Variants in OR3A2 observed in about 807,000 individuals in gnomAD.
OR3A2 encodes olfactory receptor family 3 subfamily A member 2.
For missense variants in OR3A2, 318 were observed against 392.8 expected, an observed-to-expected ratio of 0.81 and a Z score of 1.61; for synonymous variants, 126 against 159.3, an observed-to-expected ratio of 0.79 and a Z score of 1.57.
intron 3 of OR3A2, among the ~76,000 whole-genome samples, chr17:3,333,548 G>A (rs58460998): frequency 0.086 from 13,049 of 152,054 alleles, 1,068 homozygotes; most frequent in East Asian, 0.48. Flanking sequence ...TGGACATCAC[G>A]GACCTGCCAA....
chr17:3,307,123 T>A (rs951319618), intron 3 of OR3A2, among the ~76,000 whole-genome samples: 5 of 152,224 alleles, frequency 3.3e-5, no homozygotes, highest in African/African-American at 4.8e-5. Context: ...CGCCTGCATG[T>A]ACTGCCTTTG....
At chr17:3,368,154 T>A (rs2049580875) in intron 2 of OR3A2, among the ~76,000 whole-genome samples, 1 of 152,218 alleles carries the variant, frequency 6.6e-6, no homozygotes, top group Non-Finnish European at 1.5e-5. Context: ...AGATGCATAG[T>A]TTGTGAAGAT....
intron 3 of OR3A2, among the ~76,000 whole-genome samples, chr17:3,329,174 T>C (rs1341741824): frequency 2.6e-5 from 4 of 151,902 alleles, no homozygotes; most frequent in African/African-American, 2.4e-5. Flanking sequence ...AAAATTCTCT[T>C]TTTTGGTTGT....
intron 3 of OR3A2, among the ~76,000 whole-genome samples, chr17:3,294,229 G>C (rs1296647937): frequency 6.6e-6 from 1 of 151,172 alleles, no homozygotes; most frequent in African/African-American, 2.4e-5. Flanking sequence ...AGAAAACAGA[G>C]TAAAAATATA....
At chr17:3,317,383 T>C (rs896222819) in intron 3 of OR3A2, among the ~76,000 whole-genome samples, 1 of 152,184 alleles carries the variant, frequency 6.6e-6, no homozygotes, top group Non-Finnish European at 1.5e-5. Context: ...TATTTACAGG[T>C]AGTTGTCCAG....
intron 2 of OR3A2, among the ~76,000 whole-genome samples, chr17:3,347,534 G>T (rs1472564188): frequency 6.6e-6 from 1 of 152,090 alleles, no homozygotes; most frequent in Non-Finnish European, 1.5e-5. Flanking sequence ...TGAGAATGAT[G>T]GTTTCCAATT....
intron 3 of OR3A2, among the ~76,000 whole-genome samples, chr17:3,300,081 C>T (rs2048950356): frequency 6.6e-6 from 1 of 151,546 alleles, no homozygotes; most frequent in Admixed American, 6.6e-5. Flanking sequence ...CAGAGCTGGA[C>T]CTCAAGCCAC....
At chr17:3,374,093 T>C (rs1314715728) in intron 2 of OR3A2, among the ~76,000 whole-genome samples, 2 of 152,220 alleles carry the variant, frequency 1.3e-5, no homozygotes, top group African/African-American at 4.8e-5. Context: ...TCTTGGCTGA[T>C]AATTTTGTTC....
Position 3,278,010 on chromosome 17 carries a change from G to A in OR3A2, c.908C>T (p.Ala303Val), listed in dbSNP as rs556279113. 4.8e-5 allele frequency: 77 copies of A among 1,604,514 alleles called. 2 individuals are homozygous for A. The South Asian group carries it at 8.0e-4, about 17-fold the overall frequency. The change falls in exon 2 of 2, where the codon GCT (alanine) becomes GTT (valine). Residue 303 changes from alanine (A) to valine (V), a missense_variant. Coordinates refer to ENST00000642052, the Ensembl canonical transcript of OR3A2. Reference sequence around the variant, plus strand: ...CCTCCCCAAAAATATTTGCCACAGAGCACCCTGAACATCAGGGTTTCTGAG... The same window carrying A: ...CCTCCCCAAAAATATTTGCCACAGAACACCCTGAACATCAGGGTTTCTGAG...
At chr17:3,380,373 CCT>C (rs781479079) in intron 2 of OR3A2, among the ~76,000 whole-genome samples, 8 of 152,154 alleles carry the variant, frequency 5.3e-5, no homozygotes, top group Middle Eastern at 3.2e-3. Flanking sequence ...TGACTGATCC[CCT>C]GATTACTGAG....
chr17:3,354,676 G>T (rs2049449832), intron 2 of OR3A2, among the ~76,000 whole-genome samples: 2 of 150,832 alleles, frequency 1.3e-5, no homozygotes, highest in African/African-American at 4.9e-5. Context: ...CTAAAGGTTT[G>T]GCCATATTGT....
chr17:3,385,755 T>C (rs1206426381), intron 1 of OR3A2, among the ~76,000 whole-genome samples: 2 of 152,202 alleles, frequency 1.3e-5, no homozygotes, highest in African/African-American at 2.4e-5. Context: ...ATTAAGATTA[T>C]TGGATGAGCA....
intron 1 of OR3A2, among the ~76,000 whole-genome samples, chr17:3,384,775 G>C (rs1396683552): frequency 1.3e-5 from 2 of 151,994 alleles, no homozygotes; most frequent in African/African-American, 4.8e-5. Context: ...ACAGTACTGT[G>C]GCCATTCATT....
At chr17:3,309,440 A>C (rs1948999630) in intron 3 of OR3A2, among the ~76,000 whole-genome samples, 1 of 151,630 alleles carries the variant, frequency 6.6e-6, no homozygotes. Context: ...CTTACCTAAG[A>C]CTCTATTTGT....
intron 3 of OR3A2, among the ~76,000 whole-genome samples, chr17:3,315,015 T>C (rs1160666003): frequency 6.6e-6 from 1 of 152,240 alleles, no homozygotes; most frequent in Non-Finnish European, 1.5e-5. Context: ...AAGGACATTA[T>C]TTCATTCCTT....
At chr17:3,332,804 A>G (rs1353215294) in intron 3 of OR3A2, among the ~76,000 whole-genome samples, 3 of 151,768 alleles carry the variant, frequency 2.0e-5, no homozygotes, top group Non-Finnish European at 4.4e-5. Context: ...CCCAAATAAT[A>G]CTCTTATAAT....
In OR3A2 at chr17:3,278,223, C is replaced by T. The variant is rs201033738; in HGVS notation, c.695G>A (p.Arg232His). ...GGCCTTCTTTCGGCCCTCCACTGAACGGATTCGTAGAACTGCAGCTGCCAC... is the reference window on the plus strand; with the variant it reads ...GGCCTTCTTTCGGCCCTCCACTGAATGGATTCGTAGAACTGCAGCTGCCAC... Residue 232 changes from arginine (R) to histidine (H), a missense_variant, in exon 2 of 2, where the codon CGT (arginine) becomes CAT (histidine). Transcript: ENST00000642052. 3,568 of 1,614,174 alleles carry T rather than the reference C, an allele frequency of 2.2e-3. 6 individuals are homozygous for T. Among genetic ancestry groups the T allele is most frequent in the Middle Eastern group, 3.1e-3 (19 of 6,062 alleles).
chr17:3,323,989 G>A (rs2049148261), intron 3 of OR3A2, among the ~76,000 whole-genome samples: 1 of 152,032 alleles, frequency 6.6e-6, no homozygotes, highest in Admixed American at 6.6e-5. Context: ...TCATTTTCAG[G>A]TACACCAATC....
intron 2 of OR3A2, among the ~76,000 whole-genome samples, chr17:3,377,956 G>A (rs2049698481): frequency 6.6e-6 from 1 of 151,862 alleles, no homozygotes; most frequent in Admixed American, 6.6e-5. Flanking sequence ...ATAACAAGGA[G>A]AAATGAAAAC....
Sources: allele counts gnomAD v4.1 joint callset (sites outside exome capture counted in the v4.1 genomes callset), GRCh38; gene constraint gnomAD v4.1.1; transcripts MANE v1.5; gene names NCBI Gene and HGNC (gene_info 2026-07-23, HGNC 2026-07-21).